POLR1A: variants seen among roughly 807,000 people sequenced by gnomAD.
POLR1A encodes DNA-directed RNA polymerase I subunit RPA1.
A neutral mutation model predicts 205.3 loss-of-function variants in POLR1A; 84 were observed. That is an observed-to-expected ratio of 0.41 (90% CI 0.34 to 0.49). The LOEUF is 0.49. Ranked by LOEUF, POLR1A falls within the 20% of genes least tolerant of loss-of-function variation. The pLI, the probability that POLR1A is intolerant of heterozygous loss-of-function variation, is 0.22. For missense variants in POLR1A, 1,645 were observed against 2,204.5 expected (o/e 0.75, Z 5.08); for synonymous variants, 799 against 863.7 (o/e 0.93, Z 1.31).
chr2:86,028,803 T>C lies in POLR1A; in HGVS notation c.4780-92A>G. 1.1e-6 allele frequency: 1 copy of C among 889,958 alleles called. No individual in the cohort carries two copies. Among genetic ancestry groups the C allele is most frequent in the Non-Finnish European group, 1.8e-6 (1 of 546,064 alleles). The allele number at this position is 889,958 out of a possible 1,614,324, so 55.1% of individuals were successfully genotyped here. On this transcript the variant is annotated intron_variant, in intron 31 of 33. Transcript: ENST00000263857. The surrounding 1 kb of genome is among the most constrained non-coding windows in gnomAD (Gnocchi z 4.5). The stretch of plus-strand genomic sequence containing the variant: ...TCCCCCTGGCCGCTCTCTCTCTCCT[T>C]GTGTCTGGCAGCTCGGTACAGCTGA...
chr2:86,022,244 C>G lies in POLR1A; in HGVS notation c.*5179G>C, dbSNP rs973364838. 4 of 152,270 alleles carry G rather than the reference C, an allele frequency of 2.6e-5. No homozygotes were observed. Among genetic ancestry groups the G allele is most frequent in the Non-Finnish European group, 4.4e-5 (3 of 68,102 alleles). The allele number at this position is 152,270 out of a possible 1,614,324, so 9.4% of individuals were successfully genotyped here. ...CTGCTGGAAGCATCATCCCTTTCTT[C>G]TTTCAGGCTTTGTTGAGCCCCAGGT... On this transcript the variant is annotated 3_prime_UTR_variant, in exon 34 of 34. Coordinates refer to ENST00000263857, the MANE Select transcript of POLR1A (RefSeq NM_015425.6).
intron 6 of POLR1A, among the ~76,000 whole-genome samples, chr2:86,087,520 C>T (rs1191381140): frequency 6.6e-6 from 1 of 152,198 alleles, no homozygotes; most frequent in Non-Finnish European, 1.5e-5. Context: ...AGTGGCAGAG[C>T]CAAGTGACAA....
rs1690200757 is a variant in POLR1A, at chr2:86,023,688, A to C, written c.*3735T>G. The C allele has an allele frequency of 6.6e-6, 1 of 152,076 alleles. No individual in the cohort carries two copies. The allele number at this position is 152,076 out of a possible 1,614,324, so 9.4% of individuals were successfully genotyped here. A position where few individuals can be genotyped will look rare whatever the true frequency, so the allele number is the denominator to read the frequency against. The stretch of plus-strand genomic sequence containing the variant: ...GCAGTTCCCCCAGAAAAATTAAAGA[A>C]TTACCATATGATCCAGCAATTCCAC... On this transcript the variant is annotated 3_prime_UTR_variant, in exon 34 of 34. Transcript: ENST00000263857.
chr2:86,061,508 T>A (rs1026092486), intron 14 of POLR1A, among the ~76,000 whole-genome samples: 1 of 152,208 alleles, frequency 6.6e-6, no homozygotes, highest in African/African-American at 2.4e-5. Context: ...GACCTAGTAA[T>A]TCCATGCCTC....
intron 31 of POLR1A, among the ~76,000 whole-genome samples, chr2:86,029,762 AT>A (rs956846530): frequency 6.3e-5 from 9 of 143,734 alleles, no homozygotes; most frequent in South Asian, 2.2e-4. Flanking sequence ...ATGCCCGGCT[AT>A]TTTTTTTTTG....
rs1488644736 is a variant in POLR1A, at chr2:86,075,020, C to T, written c.1611+10G>A. On this transcript the variant is annotated intron_variant, in intron 12 of 33. Transcript: ENST00000263857. ...CGGATGGGTCCCTGACCAAAGCTGC[C>T]CTTACTCACAATTTTTGTCCCCTGG... 6 of 1,587,642 alleles carry T rather than the reference C, an allele frequency of 3.8e-6. No individual in the cohort carries two copies. Among genetic ancestry groups the T allele is most frequent in the Non-Finnish European group, 5.2e-6 (6 of 1,163,150 alleles).
intron 1 of POLR1A, among the ~76,000 whole-genome samples, chr2:86,100,384 C>T (rs1265975492): frequency 6.6e-6 from 1 of 152,122 alleles, no homozygotes; most frequent in Non-Finnish European, 1.5e-5. Flanking sequence ...ATGAATAAGT[C>T]ATAAAATACA....
At chr2:86,083,559 A>G (rs1673442185) in intron 6 of POLR1A, among the ~76,000 whole-genome samples, 1 of 152,132 alleles carries the variant, frequency 6.6e-6, no homozygotes, top group Non-Finnish European at 1.5e-5. Flanking sequence ...TCTCATCAGC[A>G]TGTCTGCATG....
chr2:86,073,751 T>C (rs1276530155), intron 12 of POLR1A, among the ~76,000 whole-genome samples: 2 of 152,232 alleles, frequency 1.3e-5, no homozygotes, highest in Admixed American at 6.5e-5. Context: ...CTGCAGGGAC[T>C]GCAAAGTGCT....
At chr2:86,087,476 C>G (rs1673521979) in intron 6 of POLR1A, among the ~76,000 whole-genome samples, 1 of 152,192 alleles carries the variant, frequency 6.6e-6, no homozygotes. Context: ...AATGGAAACG[C>G]CTCAAAACAG....
At chr2:86,081,473 C>G in intron 8 of POLR1A, 128 bp downstream of exon 8, 1 of 615,810 alleles carries the variant, frequency 1.6e-6, no homozygotes, top group Non-Finnish European at 2.9e-6. Context: ...CTCCCACCAC[C>G]TGCACCTGGA....
At position 86,031,441 on chromosome 2, in the gene POLR1A, G is replaced by T. The variant is rs2104380470; in HGVS notation, c.4467C>A (p.Ser1489Arg). 6.2e-7 allele frequency: 1 copy of T among 1,614,140 alleles called. No individual in the cohort carries two copies. Among genetic ancestry groups the T allele is most frequent in the East Asian group, 2.2e-5 (1 of 44,882 alleles). The change falls in exon 30 of 34, where the codon AGC becomes AGA. Residue 1489 changes from serine (S) to arginine (R), a missense_variant. Around this residue, in one of 16 missense-constraint regions of POLR1A, gnomAD observed 394 missense variants for 468.5 expected, o/e 0.84. Coordinates refer to ENST00000263857, the MANE Select transcript of POLR1A (RefSeq NM_015425.6). Reference protein sequence around the residue: ...LLTQPRKPTHSQEPQGPEAME... With the variant: ...LLTQPRKPTHRQEPQGPEAME... ...TGGCCTCGGGCCCCTGGGGCTCCTG[G>T]CTGTGGGTGGGTTTCCGGGGCTGCG...
intron 18 of POLR1A, among the ~76,000 whole-genome samples, chr2:86,048,577 C>A (rs1672746928): frequency 6.6e-6 from 1 of 152,230 alleles, no homozygotes; most frequent in Non-Finnish European, 1.5e-5. Context: ...TGCTTATTCA[C>A]CCCTGGTGGC....
rs1672754409 is a variant in POLR1A at position 86,049,016 on chromosome 2, T to C, written c.2502A>G (p.Pro834=). ...GGACCTCATCATATGATGCGGCTTC[T>C]GGCAGGTTTAATGCAGCCCTGACAG... is the stretch of plus-strand genomic sequence containing the variant. ...PQAVRAALNL[P]EAASYDEVRG... Residue 834 remains proline (P), a synonymous_variant, in exon 18 of 34, where the codon CCA becomes CCG. Transcript: ENST00000263857. 3.1e-6 allele frequency: 5 copies of C among 1,614,142 alleles called. No individual in the cohort carries two copies. The South Asian group carries it at 5.5e-5, about 18-fold the overall frequency.
At chr2:86,100,905 G>A (rs1438640251) in intron 1 of POLR1A, among the ~76,000 whole-genome samples, 1 of 152,040 alleles carries the variant, frequency 6.6e-6, no homozygotes, top group Admixed American at 6.6e-5. Context: ...TTCAGAGGAC[G>A]AAACCAAGGC....
At position 86,030,197 on chromosome 2, in the gene POLR1A, T is replaced by C; in HGVS notation, c.4778A>G (p.Glu1593Gly). ...INLPELFKYAEVLDLRRLYSN... is the reference protein window; with the variant it reads ...INLPELFKYAGVLDLRRLYSN... ...AGGCCAGCAGACAGCCTGTCTTACC[T>C]CTGCATACTTGAATAGCTCTGGGAG... The change falls in exon 31 of 34, where the codon GAG becomes GGG. Residue 1593 changes from glutamate (E) to glycine (G), a missense_variant and splice_region_variant. By Grantham distance (98) the Glu-to-Gly change is moderately conservative (BLOSUM62 -2). Transcript: ENST00000263857. 2 of 1,613,396 alleles carry C rather than the reference T, an allele frequency of 1.2e-6. No homozygotes were observed. The highest frequency in any genetic ancestry group is 1.7e-6 in the Non-Finnish European group (2 of 1,179,280).
At chr2:86,034,996 G>A (rs554906818) in intron 27 of POLR1A, among the ~76,000 whole-genome samples, 1 of 152,132 alleles carries the variant, frequency 6.6e-6, no homozygotes, top group South Asian at 2.1e-4. Context: ...TCAGCCTTCT[G>A]AGTAGCTGGG....
chr2:86,071,187 C>T lies in POLR1A; in HGVS notation c.1612-915G>A, dbSNP rs201173012. On this transcript the variant is annotated intron_variant, in intron 12 of 33. Transcript: ENST00000263857. ...CATGTGACATGATGAAAAAAAAAAACAATTTAAAAACCAACCCAGCTTCTC... is the reference window on the plus strand; with the variant it reads ...CATGTGACATGATGAAAAAAAAAAATAATTTAAAAACCAACCCAGCTTCTC... Among the ~76,000 whole-genome samples the T allele has an allele frequency of 3.8e-5, 5 of 131,080 alleles. No homozygotes were observed. In the East Asian group the frequency reaches 9.2e-4, roughly 24 times the overall value. The allele number at this position is 131,080 out of a possible 152,430, so 86.0% of individuals were successfully genotyped here.
chr2:86,048,860 A>G (rs1383407406), intron 18 of POLR1A, 24 bp downstream of exon 18: 2 of 1,597,358 alleles, frequency 1.3e-6, no homozygotes, highest in East Asian at 2.2e-5. Flanking sequence ...TGGTGGGGAT[A>G]AATGCATGCA....
Sources: allele counts gnomAD v4.1 joint callset (sites outside exome capture counted in the v4.1 genomes callset), GRCh38; gene constraint gnomAD v4.1.1; regional missense constraint gnomAD v4.1.1; non-coding constraint Gnocchi (gnomAD v3.1); transcripts MANE v1.5; gene names NCBI Gene and HGNC (gene_info 2026-07-23, HGNC 2026-07-21).